LINC00237: variants seen among roughly 807,000 people sequenced by gnomAD.
LINC00237 encodes the protein long independently transcribed non-coding RNA 237, also known as long intergenic non-protein coding RNA 237.
intron 1 of LINC00237, among the ~76,000 whole-genome samples, chr20:21,104,832 C>G (rs2030976988): frequency 6.6e-6 from 1 of 152,150 alleles, no homozygotes; most frequent in Non-Finnish European, 1.5e-5. Flanking sequence ...CACACACAGA[C>G]AGACACACAG....
At chr20:21,098,692 G>A (rs2030890364) in intron 1 of LINC00237, among the ~76,000 whole-genome samples, 1 of 152,212 alleles carries the variant, frequency 6.6e-6, no homozygotes, top group Non-Finnish European at 1.5e-5. Context: ...AGCAGTATAG[G>A]AAATAGAAAG....
intron 1 of LINC00237, among the ~76,000 whole-genome samples, chr20:21,104,381 G>A (rs1341457657): frequency 6.6e-6 from 1 of 152,268 alleles, no homozygotes; most frequent in Non-Finnish European, 1.5e-5. Flanking sequence ...AGCGTCAGCA[G>A]TAATATCAGA....
intron 3 of LINC00237, chr20:21,087,664 T>A (rs1271744893): frequency 2.0e-5 from 3 of 152,334 alleles, no homozygotes; most frequent in African/African-American, 4.8e-5. Context: ...TTAGTTTGCA[T>A]TCCCCCAGTC....
At chr20:21,090,361 G>C (rs1273186933) in intron 2 of LINC00237, 1 of 152,190 alleles carries the variant, frequency 6.6e-6, no homozygotes, top group Non-Finnish European at 1.5e-5. Flanking sequence ...TTCAAGAAAC[G>C]AAGCTCATTT....
At chr20:21,086,607 G>GTATATATAGTATAC (rs1437442208) in intron 3 of LINC00237, among the ~76,000 whole-genome samples, 35 of 46,944 alleles carry the variant, frequency 7.5e-4, no homozygotes, top group African/African-American at 2.0e-3. Flanking sequence ...GTATATATAT[G>GTATATATAGTATAC]TATATATAGT....
chr20:21,100,863 G>C (rs902012528), intron 1 of LINC00237, among the ~76,000 whole-genome samples: 6 of 152,176 alleles, frequency 3.9e-5, no homozygotes, highest in African/African-American at 1.4e-4. Flanking sequence ...AAACCAAATC[G>C]GGCCCATAAT....
At position 21,096,380 on chromosome 20, in the gene LINC00237, G is replaced by A. The variant is rs77374196; in HGVS notation, n.89-2528C>T. ...ATTCCCAGCCAGCAAGAAGGAACAG[G>A]GAGGTGCAAGTATGAGATGACAATT... On this transcript the variant is annotated intron_variant and non_coding_transcript_variant, in intron 1 of 3. Transcript: ENST00000691244. Among the ~76,000 whole-genome samples, 488 of 152,270 alleles carry A rather than the reference G, an allele frequency of 3.2e-3. 1 individual carries two copies. Among genetic ancestry groups the A allele is most frequent in the African/African-American group, 0.011 (467 of 41,542 alleles).
At chr20:21,086,959 A>T (rs2030719384) in intron 3 of LINC00237, among the ~76,000 whole-genome samples, 1 of 142,018 alleles carries the variant, frequency 7.0e-6, no homozygotes, top group African/African-American at 2.6e-5. Context: ...TATGTACTAT[A>T]GTATATATAT....
At chr20:21,103,543 G>T (rs753098700) in intron 1 of LINC00237, among the ~76,000 whole-genome samples, 15 of 152,198 alleles carry the variant, frequency 9.9e-5, no homozygotes, top group Non-Finnish European at 1.6e-4. Context: ...AATTTGAACC[G>T]GCTGGGTGTT....
chr20:21,091,683 A>G (rs979877670), intron 2 of LINC00237, among the ~76,000 whole-genome samples: 1 of 152,228 alleles, frequency 6.6e-6, no homozygotes, highest in Non-Finnish European at 1.5e-5. Context: ...CATTTCATTT[A>G]CATTTCCTGT....
At chr20:21,096,940 C>T (rs2030865970) in intron 1 of LINC00237, among the ~76,000 whole-genome samples, 1 of 152,180 alleles carries the variant, frequency 6.6e-6, no homozygotes, top group Admixed American at 6.5e-5. Flanking sequence ...TACTGACAAA[C>T]ACCAAAACAA....
At chr20:21,104,543 A>G (rs1351801622) in intron 1 of LINC00237, among the ~76,000 whole-genome samples, 2 of 152,222 alleles carry the variant, frequency 1.3e-5, no homozygotes, top group African/African-American at 4.8e-5. Context: ...CGGCCCCTGG[A>G]GAAAGATGCA....
chr20:21,100,940 G>T (rs1488694075), intron 1 of LINC00237, among the ~76,000 whole-genome samples: 2 of 152,100 alleles, frequency 1.3e-5, no homozygotes, highest in African/African-American at 4.8e-5. Context: ...CGGCCCCGGC[G>T]CAGCCACGAC....
rs1469201623 is a variant in LINC00237 at position 21,101,738 on chromosome 20, A to ATTGGGC, written n.88+4527_88+4532dup. Among the ~76,000 whole-genome samples, 15 of 152,202 alleles carry ATTGGGC rather than the reference A, an allele frequency of 9.9e-5. No individual in the cohort carries two copies. The highest frequency in any genetic ancestry group is 2.1e-4 in the South Asian group (1 of 4,826). Reference sequence around the variant, plus strand: ...CCTGCCTCCTGGAAAAGCTGTCACGATTGGGCTTGGGCTTGGGCTTGGCCT... The same window carrying ATTGGGC: ...CCTGCCTCCTGGAAAAGCTGTCACGATTGGGCTTGGGCTTGGGCTTGGGCTTGGCCT... On this transcript the variant is annotated intron_variant and non_coding_transcript_variant, in intron 1 of 3. Transcript: ENST00000691244. This position sits in a 1 kb window ranked among gnomAD's most constrained non-coding sequence, Gnocchi z 4.3.
chr20:21,103,394 C>T (rs1167210377), intron 1 of LINC00237, among the ~76,000 whole-genome samples: 3 of 152,154 alleles, frequency 2.0e-5, no homozygotes, highest in East Asian at 3.9e-4. Context: ...GGTGGCAGGG[C>T]TGTCCCTACC....
intron 2 of LINC00237, chr20:21,090,096 A>G (rs1201692597): frequency 6.6e-6 from 1 of 152,210 alleles, no homozygotes; most frequent in East Asian, 1.9e-4. Flanking sequence ...ATGTTGGCAA[A>G]CAATTTTACT....
chr20:21,091,343 C>T (rs775115057), intron 2 of LINC00237, among the ~76,000 whole-genome samples: 4 of 152,162 alleles, frequency 2.6e-5, no homozygotes, highest in Non-Finnish European at 5.9e-5. Flanking sequence ...TACTGCAAAC[C>T]ACTGCACAGG....
intron 1 of LINC00237, among the ~76,000 whole-genome samples, chr20:21,102,513 G>A (rs960091986): frequency 6.6e-6 from 1 of 152,154 alleles, no homozygotes; most frequent in East Asian, 1.9e-4. Context: ...CGGAACAGGG[G>A]TGCAGCGGCG....
chr20:21,094,704 G>C (rs1490477357), intron 1 of LINC00237, among the ~76,000 whole-genome samples: 1 of 152,182 alleles, frequency 6.6e-6, no homozygotes, highest in East Asian at 1.9e-4. Flanking sequence ...AGTGAGCTAT[G>C]ATCTCACTAC....
Sources: allele counts gnomAD v4.1 joint callset (sites outside exome capture counted in the v4.1 genomes callset), GRCh38; gene constraint gnomAD v4.1.1; non-coding constraint Gnocchi (gnomAD v3.1); transcripts MANE v1.5; gene names NCBI Gene and HGNC (gene_info 2026-07-23, HGNC 2026-07-21).